The following RSPH14 variants were observed in gnomAD, a reference collection of about 807,000 sequenced individuals.
RSPH14 encodes rhabdoid tumor deletion region gene 1.
A neutral mutation model predicts 26.7 loss-of-function variants in RSPH14; 20 were observed. The observed-to-expected ratio is 0.75, with a 90% CI of 0.53 to 1.09. RSPH14 has a LOEUF of 1.09. RSPH14 is among the 50% of genes least tolerant of loss of function. The probability of loss-of-function intolerance (pLI) is 0.00; values close to 1 mark genes in which losing one functional copy is unlikely to be tolerated. For missense variants in RSPH14, 449 were observed against 457.2 expected, an observed-to-expected ratio of 0.98 and a Z score of 0.16; for synonymous variants, 177 against 189.3, an observed-to-expected ratio of 0.93 and a Z score of 0.53.
chr22:23,164,672 A>G, the RSPH14 span, among the ~76,000 whole-genome samples: 6 of 152,126 alleles, frequency 3.9e-5, no homozygotes, highest in African/African-American at 9.7e-5. Context: ...AGGTGCGGCA[A>G]TGACCACAGT....
intron 4 of RSPH14, among the ~76,000 whole-genome samples, chr22:23,073,731 C>G (rs765870151): frequency 6.6e-6 from 1 of 152,274 alleles, no homozygotes; most frequent in South Asian, 2.1e-4. Flanking sequence ...GAACCTCACG[C>G]GATTCATCCA....
the RSPH14 span, among the ~76,000 whole-genome samples, chr22:23,171,536 C>T: frequency 6.6e-6 from 1 of 152,062 alleles, no homozygotes; most frequent in South Asian, 2.1e-4. Context: ...TATACATGTA[C>T]ATACACATTC....
At chr22:23,176,633 T>C in the RSPH14 span, among the ~76,000 whole-genome samples, 1 of 152,030 alleles carries the variant, frequency 6.6e-6, no homozygotes, top group Non-Finnish European at 1.5e-5. Flanking sequence ...CCACACCCAC[T>C]CCATCTACAA....
intron 4 of RSPH14, among the ~76,000 whole-genome samples, chr22:23,094,234 G>T (rs867339836): frequency 1.3e-5 from 2 of 152,112 alleles, no homozygotes; most frequent in Admixed American, 6.5e-5. Context: ...AGAGGGGTGC[G>T]TGTGAGTTGG....
chr22:23,116,683 C>T (rs2069845133), intron 4 of RSPH14, among the ~76,000 whole-genome samples: 1 of 152,154 alleles, frequency 6.6e-6, no homozygotes, highest in Non-Finnish European at 1.5e-5. Context: ...CGTGTGAGGC[C>T]CTGGATGAGC....
intron 4 of RSPH14, among the ~76,000 whole-genome samples, chr22:23,090,288 CT>C (rs1304369218): frequency 6.6e-6 from 1 of 152,126 alleles, no homozygotes; most frequent in Non-Finnish European, 1.5e-5. Context: ...CCCTGATCGT[CT>C]CCCTGTTCCC....
At chr22:23,161,415 TCTGA>T in the RSPH14 span, 12 of 1,230,944 alleles carry the variant, frequency 9.7e-6, no homozygotes, top group South Asian at 1.3e-5. Context: ...AGCTCACAGC[TCTGA>T]CTGTCAGGGC....
chr22:23,161,560 G>A, the RSPH14 span: 66 of 1,608,914 alleles, frequency 4.1e-5, no homozygotes, highest in Admixed American at 5.0e-5. Context: ...CTGGGCTGCT[G>A]CTAACTGGGG....
At chr22:23,158,250 T>G in the RSPH14 span, among the ~76,000 whole-genome samples, 3 of 152,186 alleles carry the variant, frequency 2.0e-5, no homozygotes, top group Non-Finnish European at 4.4e-5. Flanking sequence ...AGCCAGCACA[T>G]GAGTGTGAGC....
upstream of RSPH14, among the ~76,000 whole-genome samples, chr22:23,144,000 A>G (rs918663164): frequency 1.4e-4 from 21 of 146,428 alleles, no homozygotes; most frequent in African/African-American, 5.1e-4. Flanking sequence ...AGGCTGAGGC[A>G]GGAGAATCGC....
chr22:23,093,629 C>T (rs1030139680), intron 4 of RSPH14, among the ~76,000 whole-genome samples: 31 of 152,200 alleles, frequency 2.0e-4, no homozygotes, highest in African/African-American at 7.2e-4. Flanking sequence ...TTGTGCTGGA[C>T]GCTTTACTCT....
At chr22:23,111,717 C>T (rs544747727) in intron 4 of RSPH14, among the ~76,000 whole-genome samples, 25 of 152,362 alleles carry the variant, frequency 1.6e-4, no homozygotes, top group Admixed American at 1.6e-3. Flanking sequence ...ACAAGACAGC[C>T]AGTACCTCCC....
intron 4 of RSPH14, among the ~76,000 whole-genome samples, chr22:23,120,494 C>T (rs776992527): frequency 5.3e-5 from 8 of 152,132 alleles, no homozygotes; most frequent in Non-Finnish European, 5.9e-5. Context: ...GAACTGTTTC[C>T]GCATCAGTGA....
At chr22:23,089,293 CTG>C (rs1465805437) in intron 4 of RSPH14, among the ~76,000 whole-genome samples, 1 of 152,210 alleles carries the variant, frequency 6.6e-6, no homozygotes, top group Non-Finnish European at 1.5e-5. Flanking sequence ...GGCACTGACT[CTG>C]TGCTGTGCTG....
the RSPH14 span, among the ~76,000 whole-genome samples, chr22:23,158,466 G>C: frequency 6.6e-6 from 1 of 152,222 alleles, no homozygotes; most frequent in East Asian, 1.9e-4. Context: ...TTGGCAATGT[G>C]ACCCATTCAA....
the RSPH14 span, chr22:23,159,376 C>A: frequency 2.1e-6 from 2 of 942,448 alleles, no homozygotes; most frequent in East Asian, 2.7e-5. Flanking sequence ...GGCCCTGGTG[C>A]ACACTGGCAT....
At chr22:23,173,158 G>A in the RSPH14 span, among the ~76,000 whole-genome samples, 9 of 151,302 alleles carry the variant, frequency 5.9e-5, no homozygotes, top group East Asian at 1.9e-4. Flanking sequence ...TCTTTGAGAC[G>A]GAGTCTCGCT....
chr22:23,072,785 C>T (rs998846006), intron 4 of RSPH14, among the ~76,000 whole-genome samples: 1 of 152,222 alleles, frequency 6.6e-6, no homozygotes, highest in Non-Finnish European at 1.5e-5. Context: ...CTGTCCCCAG[C>T]CTCTCAGTCC....
chr22:23,162,981 G>A, the RSPH14 span: 10 of 326,044 alleles, frequency 3.1e-5, no homozygotes, highest in African/African-American at 1.6e-4. Flanking sequence ...GCGTAATCTC[G>A]GCTCAGTGCA....
Sources: allele counts gnomAD v4.1 joint callset (sites outside exome capture counted in the v4.1 genomes callset), GRCh38; gene constraint gnomAD v4.1.1; transcripts MANE v1.5; gene names NCBI Gene and HGNC (gene_info 2026-07-23, HGNC 2026-07-21).